Variants in CFTR observed in about 807,000 individuals in gnomAD.
The protein encoded by CFTR is CF transmembrane conductance regulator.
CFTR carries 181 observed loss-of-function variants against 171.6 expected under a neutral mutation model. The observed-to-expected ratio is 1.05, with a 90% CI of 0.93 to 1.19. The LOEUF (loss-of-function observed/expected upper bound fraction) is 1.19. CFTR is among the 50% of genes most tolerant of loss of function. CFTR has a pLI of 0.00. For missense variants in CFTR, 1,968 were observed against 1,734.7 expected, an observed-to-expected ratio of 1.13 and a Z score of -2.39; for synonymous variants, 583 against 608.0, an observed-to-expected ratio of 0.96 and a Z score of 0.60.
At position 117,534,361 on chromosome 7, in the gene CFTR, A is replaced by G. The variant is rs397508758; in HGVS notation, c.575A>G (p.Asp192Gly). The change falls in exon 5 of 27, where the codon GAT becomes GGT. Residue 192 changes from aspartate to glycine, a missense_variant. Coordinates refer to ENST00000003084, the MANE Select transcript of CFTR (RefSeq NM_000492.4). Reference sequence around the variant, plus strand: ...CTTTCCAACAACCTGAACAAATTTGATGAAGTATGTACCTATTGATTTAAT... The same window carrying G: ...CTTTCCAACAACCTGAACAAATTTGGTGAAGTATGTACCTATTGATTTAAT... ...SLLSNNLNKF[D>G]EGLALAHFVW... 6.6e-7 allele frequency: 1 copy of G among 1,516,294 alleles called. No individual in the cohort carries two copies. The highest frequency in any genetic ancestry group is 9.2e-7 in the Non-Finnish European group (1 of 1,091,496). 93.9% of individuals were successfully genotyped at this position (1,516,294 alleles called of 1,614,324 possible).
rs550552830 is a variant in CFTR at position 117,536,493 on chromosome 7, A to T, written c.744-55A>T. 1.1e-5 allele frequency: 17 copies of T among 1,519,400 alleles called. No homozygotes were observed. The East Asian group carries it at 4.2e-4, about 37-fold the overall frequency. The allele number at this position is 1,519,400 out of a possible 1,614,324, so 94.1% of individuals were successfully genotyped here. ...AACCTTGAGCAGTTCTTAATAGATA[A>T]TTTGACTTGTTTTTACTATTAGATT... On this transcript the variant is annotated intron_variant, in intron 6 of 26. Coordinates refer to ENST00000003084, the MANE Select transcript of CFTR (RefSeq NM_000492.4).
At position 117,508,957 on chromosome 7, in the gene CFTR, A is replaced by G; in HGVS notation, c.165-77A>G. On this transcript the variant is annotated intron_variant, in intron 2 of 26. Coordinates refer to ENST00000003084, the MANE Select transcript of CFTR (RefSeq NM_000492.4). ...TCCTTGGATATACTTGTGTGAATCA[A>G]ACTATGTTAAGGGAAATAGGACAAC... 4 of 923,124 alleles carry G rather than the reference A, an allele frequency of 4.3e-6. No individual in the cohort carries two copies. The East Asian group carries it at 7.2e-5, about 17-fold the overall frequency. 57.2% of individuals were successfully genotyped at this position (923,124 alleles called of 1,614,324 possible).
chr7:117,518,602 C>A (rs1343677145), intron 3 of CFTR, among the ~76,000 whole-genome samples: 1 of 145,378 alleles, frequency 6.9e-6, no homozygotes, highest in South Asian at 2.1e-4. Context: ...GTGTTTTCTG[C>A]CTTTCATTTT....
At chr7:117,608,060 G>T (rs1792328517) in intron 18 of CFTR, among the ~76,000 whole-genome samples, 1 of 152,132 alleles carries the variant, frequency 6.6e-6, no homozygotes, top group Non-Finnish European at 1.5e-5. Context: ...TTTGCCAATG[G>T]TGCCTCTTGA....
At position 117,578,344 on chromosome 7, in the gene CFTR, C is replaced by G. The variant is rs77164005; in HGVS notation, c.1585-9395C>G. 2.2e-3 allele frequency among the ~76,000 whole-genome samples: 328 copies of G among 152,136 alleles called. 3 individuals carry two copies. Among genetic ancestry groups the G allele is most frequent in the Non-Finnish European group, 3.9e-3 (264 of 67,984 alleles). The stretch of plus-strand genomic sequence containing the variant: ...AATAGTACATACATTTCTTTTTCCC[C>G]ATGGTTTTCTTAATAACATTTTCTT... On this transcript the variant is annotated intron_variant, in intron 11 of 26. Transcript: ENST00000003084.
intron 10 of CFTR, among the ~76,000 whole-genome samples, chr7:117,553,568 T>C (rs1304036747): frequency 6.6e-6 from 1 of 152,214 alleles, no homozygotes; most frequent in Non-Finnish European, 1.5e-5. Flanking sequence ...TACTAACAGA[T>C]GATATTATCT....
chr7:117,548,523 C>A, intron 9 of CFTR, 118 bp from the exon 10 acceptor site: 1 of 1,528,336 alleles, frequency 6.5e-7, no homozygotes. Context: ...TGTAATGGAT[C>A]ATGGGCCATG....
intron 19 of CFTR, 80 bp from the exon 20 acceptor site, chr7:117,611,501 C>A: frequency 1.1e-6 from 1 of 902,016 alleles, no homozygotes; most frequent in Non-Finnish European, 1.8e-6. Flanking sequence ...CTAATTTAGT[C>A]TTTTTCAGGT....
intron 10 of CFTR, among the ~76,000 whole-genome samples, chr7:117,553,650 A>T (rs972403846): frequency 6.6e-6 from 1 of 152,220 alleles, no homozygotes; most frequent in Non-Finnish European, 1.5e-5. Flanking sequence ...TTCTTTTATT[A>T]TAAGTAGTGT....
chr7:117,628,159 A>G (rs1413729843), intron 22 of CFTR, among the ~76,000 whole-genome samples: 1 of 152,124 alleles, frequency 6.6e-6, no homozygotes, highest in East Asian at 1.9e-4. Flanking sequence ...ATTCTGCCAA[A>G]CAAGTGATAC....
chr7:117,612,037 A>G (rs1033597507), intron 20 of CFTR, among the ~76,000 whole-genome samples: 63 of 73,364 alleles, frequency 8.6e-4, no homozygotes, highest in African/African-American at 3.4e-3. Context: ...ATATATATAT[A>G]TATATATATA....
intron 11 of CFTR, among the ~76,000 whole-genome samples, chr7:117,576,688 TA>T (rs1203083836): frequency 6.6e-6 from 1 of 152,070 alleles, no homozygotes; most frequent in Non-Finnish European, 1.5e-5. Context: ...AAGCTGGCCA[TA>T]AAGACAAGTG....
chr7:117,513,399 G>C (rs1798551050), intron 3 of CFTR, among the ~76,000 whole-genome samples: 2 of 150,344 alleles, frequency 1.3e-5, no homozygotes, highest in Admixed American at 1.3e-4. Flanking sequence ...TTCAGACCTT[G>C]GCAGGTGTCA....
chr7:117,500,041 C>T (rs10487368), intron 1 of CFTR, among the ~76,000 whole-genome samples: 34,809 of 151,978 alleles, frequency 0.23, 4,289 homozygotes, highest in East Asian at 0.41. Context: ...TCTCATGAAA[C>T]ACCTGGATGA....
intron 11 of CFTR, among the ~76,000 whole-genome samples, chr7:117,585,592 T>C (rs1390907087): frequency 1.3e-5 from 2 of 152,162 alleles, no homozygotes; most frequent in Admixed American, 1.3e-4. Context: ...CAAACCATTC[T>C]CTTCATTCTC....
intron 1 of CFTR, among the ~76,000 whole-genome samples, chr7:117,499,758 C>A (rs773681096): frequency 6.6e-6 from 1 of 151,512 alleles, no homozygotes; most frequent in African/African-American, 2.4e-5. Flanking sequence ...GAATTTGCAA[C>A]CAGCTTGGGC....
intron 24 of CFTR, among the ~76,000 whole-genome samples, chr7:117,656,085 A>G (rs1793178360): frequency 1.3e-5 from 2 of 152,170 alleles, no homozygotes; most frequent in Non-Finnish European, 2.9e-5. Context: ...TATAGGTAGC[A>G]CTACTTTGTC....
At chr7:117,601,639 C>T (rs191424793) in intron 15 of CFTR, among the ~76,000 whole-genome samples, 16 of 152,094 alleles carry the variant, frequency 1.1e-4, no homozygotes, top group African/African-American at 3.4e-4. Context: ...GTGTTCATTT[C>T]CAAAATTGTT....
In CFTR at chr7:117,660,688, G is replaced by GTA. The variant is rs1554397153; in HGVS notation, c.3964-3995_3964-3994dup. Among the ~76,000 whole-genome samples, 288 of 150,364 alleles carry GTA rather than the reference G, an allele frequency of 1.9e-3. 1 individual carries two copies. The highest frequency in any genetic ancestry group is 3.5e-3 in the Middle Eastern group (1 of 282). On this transcript the variant is annotated intron_variant, in intron 24 of 26. Transcript: ENST00000003084. ...TATATGTGTGTGTGTGTGTGTGTGT[G>GTA]TATATACACACACATATATATATAC...
Sources: gnomAD v4.1 joint callset for allele counts (sites outside exome capture counted in the v4.1 genomes callset) on GRCh38, gnomAD v4.1.1 for gene constraint, MANE v1.5 for transcripts, NCBI Gene and HGNC (gene_info 2026-07-23, HGNC 2026-07-21) for gene names.